Variants in ADAMTS7 observed in about 807,000 individuals in gnomAD.
The protein encoded by ADAMTS7 is ADAM metallopeptidase with thrombospondin type 1 motif 7, also known as A disintegrin and metalloproteinase with thrombospondin motifs 7.
Under a neutral mutation model 172.6 loss-of-function variants are expected in ADAMTS7, and 89 were observed. That is an observed-to-expected ratio of 0.52 (90% CI 0.43 to 0.61). ADAMTS7 has a LOEUF of 0.61. ADAMTS7 is among the 20% of genes least tolerant of loss of function. The pLI is 0.00. For synonymous variants in ADAMTS7, 885 were observed against 978.4 expected, an observed-to-expected ratio of 0.90 and a Z score of 1.78; for missense variants, 1,973 against 2,355.6, an observed-to-expected ratio of 0.84 and a Z score of 3.36.
intron 2 of ADAMTS7, among the ~76,000 whole-genome samples, chr15:78,798,336 C>A (rs547390834): frequency 6.6e-6 from 1 of 152,306 alleles, no homozygotes; most frequent in East Asian, 1.9e-4. Flanking sequence ...ACCTTCAAAG[C>A]GGAGCTCAGA....
At chr15:78,806,091 AACAC>A (rs1216857182) in intron 1 of ADAMTS7, among the ~76,000 whole-genome samples, 555 of 27,356 alleles carry the variant, frequency 0.02, 29 homozygotes, top group East Asian at 0.035. Context: ...CCCCCCCAAA[AACAC>A]ACACACACAC....
At chr15:78,783,548 G>C (rs1334923425) in intron 8 of ADAMTS7, among the ~76,000 whole-genome samples, 1 of 152,124 alleles carries the variant, frequency 6.6e-6, no homozygotes, top group Non-Finnish European at 1.5e-5. Flanking sequence ...AAAGTGCTGG[G>C]ATTACAGGCG....
chr15:78,794,116 G>A (rs1044720725), intron 4 of ADAMTS7, among the ~76,000 whole-genome samples: 1 of 152,194 alleles, frequency 6.6e-6, no homozygotes, highest in African/African-American at 2.4e-5. Context: ...GGGCACGCTT[G>A]TAATCCCAGC....
chr15:78,774,271 C>A lies in ADAMTS7; in HGVS notation c.1906G>T (p.Ala636Ser). The A allele has an allele frequency of 6.3e-7, 1 of 1,576,850 alleles. No homozygotes were observed. Among genetic ancestry groups the A allele is most frequent in the African/African-American group, 1.3e-5 (1 of 74,784 alleles). Residue 636 changes from alanine (A) to serine (S), a missense_variant, in exon 13 of 24, where the codon GCG (alanine) becomes TCG (serine). Around this residue, in one of 8 missense-constraint regions of ADAMTS7, gnomAD observed 526 missense variants for 662.9 expected, o/e 0.79. Coordinates refer to ENST00000388820, the MANE Select transcript of ADAMTS7 (RefSeq NM_014272.5). ...VNPCELHCRPANEYFAEKLRD... is the reference protein window; with the variant it reads ...VNPCELHCRPSNEYFAEKLRD... Reference sequence around the variant, plus strand: ...AGCTTCTCGGCAAAGTACTCATTCGCGGGCCGGCAGTGCAGCTCGCAGGGG... The same window carrying A: ...AGCTTCTCGGCAAAGTACTCATTCGAGGGCCGGCAGTGCAGCTCGCAGGGG...
intron 1 of ADAMTS7, among the ~76,000 whole-genome samples, chr15:78,803,802 C>T (rs897427393): frequency 5.9e-5 from 9 of 152,156 alleles, no homozygotes; most frequent in African/African-American, 1.4e-4. Context: ...TTTCAAGATA[C>T]GTGCAACAAC....
chr15:78,805,807 G>A (rs993114075), intron 1 of ADAMTS7, among the ~76,000 whole-genome samples: 3 of 152,040 alleles, frequency 2.0e-5, no homozygotes, highest in Admixed American at 6.6e-5. Flanking sequence ...ATGGCCAGAC[G>A]CAGTGCCTCA....
intron 3 of ADAMTS7, 34 bp downstream of exon 3, chr15:78,797,914 C>T (rs1458199685): frequency 1.3e-6 from 2 of 1,583,816 alleles, no homozygotes. Context: ...CCAGGCCCAG[C>T]ACCCACCCGA....
At chr15:78,797,582 C>T (rs1237336303) in intron 3 of ADAMTS7, among the ~76,000 whole-genome samples, 2 of 152,130 alleles carry the variant, frequency 1.3e-5, no homozygotes, top group Non-Finnish European at 2.9e-5. Flanking sequence ...GGCTAGTGGC[C>T]CTGTTGGAGC....
At chr15:78,765,401 T>C (rs1314955406) in intron 19 of ADAMTS7, among the ~76,000 whole-genome samples, 1 of 152,244 alleles carries the variant, frequency 6.6e-6, no homozygotes, top group Non-Finnish European at 1.5e-5. Context: ...CACAGCTGTC[T>C]GAGCCAGCTC....
intron 23 of ADAMTS7, among the ~76,000 whole-genome samples, chr15:78,760,100 C>T (rs2141465525): frequency 1.3e-5 from 2 of 151,022 alleles, no homozygotes; most frequent in East Asian, 2.0e-4. Context: ...CACAGGGTCC[C>T]ATCTCCCAGG....
chr15:78,804,869 A>T (rs897629711), intron 1 of ADAMTS7, among the ~76,000 whole-genome samples: 3 of 152,234 alleles, frequency 2.0e-5, no homozygotes. Context: ...AGACTCACTA[A>T]ATCAGCATTT....
intron 11 of ADAMTS7, among the ~76,000 whole-genome samples, chr15:78,775,926 C>T (rs558165038): frequency 1.2e-4 from 19 of 152,234 alleles, no homozygotes; most frequent in Non-Finnish European, 2.8e-4. Flanking sequence ...CCAGCAGCTG[C>T]TTTGCCATGT....
intron 2 of ADAMTS7, 132 bp from the exon 3 acceptor site, chr15:78,798,245 G>C (rs1372221730): frequency 4.7e-5 from 39 of 837,768 alleles, no homozygotes; most frequent in Middle Eastern, 3.6e-4. Context: ...CGGACACACT[G>C]TACTTTCCTC....
intron 13 of ADAMTS7, among the ~76,000 whole-genome samples, 168 bp from the exon 14 acceptor site, chr15:78,773,371 T>C (rs2055285881): frequency 2.0e-5 from 3 of 150,190 alleles, no homozygotes; most frequent in Admixed American, 2.0e-4. Flanking sequence ...TGAACCTCTC[T>C]ACTTCCCTAA....
intron 22 of ADAMTS7, 82 bp from the exon 23 acceptor site, chr15:78,762,647 C>T (rs1448473068): frequency 1.4e-5 from 16 of 1,140,470 alleles, no homozygotes; most frequent in Non-Finnish European, 1.9e-5. Flanking sequence ...GGGAAGCCGT[C>T]CCTGCGCCCT....
rs998901322 is a variant in ADAMTS7, at chr15:78,776,057, A to G, written c.1706+131T>C. ...TTGAAAGTGACTTAAGGTGGCCTGG[A>G]CACTCGGACTGACCATTATCAGGAC... is the stretch of plus-strand genomic sequence containing the variant. On this transcript the variant is annotated intron_variant, in intron 11 of 23. Transcript: ENST00000388820. The G allele has an allele frequency of 1.9e-5, 24 of 1,251,940 alleles. No individual in the cohort carries two copies. In the African/African-American group the frequency reaches 3.5e-4, roughly 18 times the overall value. The allele number at this position is 1,251,940 out of a possible 1,614,324, so 77.6% of individuals were successfully genotyped here. A position where few individuals can be genotyped will look rare whatever the true frequency, so the allele number is the denominator to read the frequency against.
Position 78,761,473 on chromosome 15 carries a change from G to T in ADAMTS7, c.4903+930C>A, listed in dbSNP as rs370414391. Among the ~76,000 whole-genome samples the T allele has an allele frequency of 1.2e-3, 185 of 152,320 alleles. 1 individual carries two copies. Among genetic ancestry groups the T allele is most frequent in the African/African-American group, 4.3e-3 (178 of 41,582 alleles). ...ATTGGGGATGACAGTGGCTGTGGGG[G>T]AGGGGAAAAAGCCACCTTCCCTGAG... is the stretch of plus-strand genomic sequence containing the variant. On this transcript the variant is annotated intron_variant, in intron 23 of 23. Coordinates refer to ENST00000388820, the MANE Select transcript of ADAMTS7 (RefSeq NM_014272.5).
At chr15:78,793,476 C>T (rs2055606818) in intron 4 of ADAMTS7, among the ~76,000 whole-genome samples, 1 of 152,148 alleles carries the variant, frequency 6.6e-6, no homozygotes, top group African/African-American at 2.4e-5. Context: ...AATCCTCCCA[C>T]CTCAGCCCCT....
chr15:78,805,625 C>T (rs2055777709), intron 1 of ADAMTS7, among the ~76,000 whole-genome samples: 1 of 152,228 alleles, frequency 6.6e-6, no homozygotes, highest in Non-Finnish European at 1.5e-5. Context: ...CCAAGAGGCC[C>T]CATGTTTCAG....
Sources: gnomAD v4.1 joint callset for allele counts (sites outside exome capture counted in the v4.1 genomes callset) on GRCh38, gnomAD v4.1.1 for gene constraint, gnomAD v4.1.1 regional missense constraint, MANE v1.5 for transcripts, NCBI Gene and HGNC (gene_info 2026-07-23, HGNC 2026-07-21) for gene names.